LDAH: variants seen among roughly 807,000 people sequenced by gnomAD.
LDAH encodes lipid droplet-associated hydrolase.
A neutral mutation model predicts 29.6 loss-of-function variants in LDAH; 26 were observed. That is an observed-to-expected ratio of 0.88 (90% CI 0.64 to 1.22). The LOEUF is 1.22. LDAH is among the 50% of genes most tolerant of loss of function. LDAH has a pLI of 0.00. For missense variants in LDAH, 344 were observed against 387.3 expected (o/e 0.89, Z 0.94); for synonymous variants, 117 against 133.0 (o/e 0.88, Z 0.83).
In LDAH at chr2:20,775,041, G is replaced by C. The variant is rs964910759; in HGVS notation, c.299-62C>G. On this transcript the variant is annotated intron_variant, in intron 3 of 6. Transcript: ENST00000237822. ...AAAGTAATCACTGAAAAAAGATCAA[G>C]AAAAAGATAACAATCATGATAAAAA... 72 of 1,406,110 alleles carry C rather than the reference G, an allele frequency of 5.1e-5. No homozygotes were observed. The East Asian group carries it at 1.7e-3, about 32-fold the overall frequency. The allele number at this position is 1,406,110 out of a possible 1,614,324, so 87.1% of individuals were successfully genotyped here.
chr2:20,790,339 T>A lies in LDAH; in HGVS notation c.214A>T (p.Asn72Tyr). 6.2e-7 allele frequency: 1 copy of A among 1,614,182 alleles called. No individual in the cohort carries two copies. Among genetic ancestry groups the A allele is most frequent in the Non-Finnish European group, 8.5e-7 (1 of 1,180,014 alleles). ...ATAGTCCAAACTGGAAAGCGTCTGT[T>A]TGTCAAAGAGTATAAAGCCTTTGCA... ...PFAKALYSLT[N>Y]RRFPVWTISH... The change falls in exon 3 of 7, where the codon AAC (asparagine) becomes TAC (tyrosine). Residue 72 changes from asparagine to tyrosine, a missense_variant. Physicochemically the swap from Asn to Tyr is moderately radical, Grantham distance 143 (BLOSUM62 -2). Coordinates refer to ENST00000237822, the MANE Select transcript of LDAH (RefSeq NM_021925.4).
intron 3 of LDAH, chr2:20,789,410 C>A: frequency 1.4e-6 from 2 of 1,449,110 alleles, no homozygotes; most frequent in South Asian, 3.0e-5. Flanking sequence ...GACGTCCAGT[C>A]TCAAGAAACT....
rs142240641 is a variant in LDAH at position 20,722,685 on chromosome 2, G to A, written c.703+17286C>T. Among the ~76,000 whole-genome samples, 1,488 of 152,152 alleles carry A rather than the reference G, an allele frequency of 9.8e-3. 14 individuals carry two copies. Among genetic ancestry groups the A allele is most frequent in the Non-Finnish European group, 0.012 (808 of 67,992 alleles). On this transcript the variant is annotated intron_variant, in intron 5 of 6. Transcript: ENST00000237822. ...CATAACACAGTGTATACAGGTATTC[G>A]AATGTCACATGTACCCTAAAATATG...
intron 2 of LDAH, among the ~76,000 whole-genome samples, chr2:20,799,405 T>A (rs1357803177): frequency 6.6e-6 from 1 of 152,194 alleles, no homozygotes. Flanking sequence ...CATGTGATAT[T>A]TCGTTACCTG....
chr2:20,721,568 A>T (rs1248444744), intron 5 of LDAH, among the ~76,000 whole-genome samples: 1 of 152,170 alleles, frequency 6.6e-6, no homozygotes, highest in Non-Finnish European at 1.5e-5. Context: ...AACAAACAAA[A>T]AAAAAACCCC....
At chr2:20,729,025 T>C (rs1157140259) in intron 5 of LDAH, among the ~76,000 whole-genome samples, 2 of 152,216 alleles carry the variant, frequency 1.3e-5, no homozygotes, top group African/African-American at 4.8e-5. Flanking sequence ...GTATTTCATA[T>C]ATCAGGGTTG....
At chr2:20,699,436 C>T (rs1663749646) in intron 6 of LDAH, among the ~76,000 whole-genome samples, 1 of 152,060 alleles carries the variant, frequency 6.6e-6, no homozygotes, top group South Asian at 2.1e-4. Context: ...CAACTTCTAC[C>T]AATATTAAAT....
At chr2:20,724,697 T>A (rs1286155027) in intron 5 of LDAH, among the ~76,000 whole-genome samples, 1 of 152,122 alleles carries the variant, frequency 6.6e-6, no homozygotes, top group East Asian at 1.9e-4. Context: ...CTAGGCCACA[T>A]ACACACTAGT....
chr2:20,768,628 C>T lies in LDAH; in HGVS notation c.468+6182G>A, dbSNP rs559547056. 3.3e-4 allele frequency among the ~76,000 whole-genome samples: 51 copies of T among 152,312 alleles called. No individual in the cohort carries two copies. In the East Asian group the frequency reaches 8.5e-3, roughly 25 times the overall value. ...AGCCTGTCAGGCAGAGTCGGTGGAA[C>T]GAGCCCAGTGGGCCCGAGCAAAACT... On this transcript the variant is annotated intron_variant, in intron 4 of 6. Coordinates refer to ENST00000237822, the MANE Select transcript of LDAH (RefSeq NM_021925.4).
intron 6 of LDAH, among the ~76,000 whole-genome samples, chr2:20,699,008 GGAGAAA>G (rs1663713077): frequency 6.6e-6 from 1 of 152,140 alleles, no homozygotes; most frequent in African/African-American, 2.4e-5. Context: ...CTCTTGGGGA[GGAGAAA>G]GAAGTAGAAT....
chr2:20,750,496 T>A (rs1667896738), intron 4 of LDAH, among the ~76,000 whole-genome samples: 1 of 152,204 alleles, frequency 6.6e-6, no homozygotes, highest in Non-Finnish European at 1.5e-5. Flanking sequence ...AAACTGAGGA[T>A]CATATACTCT....
chr2:20,726,881 A>C (rs1243239021), intron 5 of LDAH, among the ~76,000 whole-genome samples: 1 of 152,220 alleles, frequency 6.6e-6, no homozygotes, highest in Non-Finnish European at 1.5e-5. Context: ...ACTGGCGTTA[A>C]TTTTGAAATA....
At chr2:20,790,887 C>T (rs1258515851) in intron 2 of LDAH, among the ~76,000 whole-genome samples, 2 of 152,074 alleles carry the variant, frequency 1.3e-5, no homozygotes, top group Non-Finnish European at 2.9e-5. Flanking sequence ...CATGAGTTTG[C>T]TATAAAGAAA....
chr2:20,688,031 A>C (rs1341107200), intron 6 of LDAH, among the ~76,000 whole-genome samples: 1 of 152,246 alleles, frequency 6.6e-6, no homozygotes, highest in East Asian at 1.9e-4. Flanking sequence ...GTGCTCCTTC[A>C]TTCAGACACT....
chr2:20,745,285 A>G (rs969438790), intron 4 of LDAH, among the ~76,000 whole-genome samples: 3 of 152,180 alleles, frequency 2.0e-5, no homozygotes, highest in Admixed American at 2.0e-4. Context: ...AAGGCACACA[A>G]AGATTTCTAT....
chr2:20,821,571 A>G (rs1673304438), intron 1 of LDAH, among the ~76,000 whole-genome samples: 1 of 152,114 alleles, frequency 6.6e-6, no homozygotes, highest in South Asian at 2.1e-4. Context: ...AACAATGAGA[A>G]CACTTGGACA....
rs4971528 is a variant in LDAH at position 20,703,293 on chromosome 2, G to C, written c.704-1641C>G. Among the ~76,000 whole-genome samples the C allele has an allele frequency of 3.3e-5, 5 of 152,092 alleles. 1 individual carries two copies. Among genetic ancestry groups the C allele is most frequent in the Admixed American group, 1.3e-4 (2 of 15,276 alleles). On this transcript the variant is annotated intron_variant, in intron 5 of 6. Coordinates refer to ENST00000237822, the MANE Select transcript of LDAH (RefSeq NM_021925.4). ...TTCCCATTTCTAGACCCGTTTCCTA[G>C]AGGAAGCCTCTCTGAACTCTTTTAG...
chr2:20,771,835 T>C (rs112932084), intron 4 of LDAH, among the ~76,000 whole-genome samples: 7 of 136,538 alleles, frequency 5.1e-5, no homozygotes, highest in African/African-American at 2.5e-4. Flanking sequence ...ATTTTCTAGC[T>C]TACACCCTTT....
chr2:20,815,140 TA>T lies in LDAH; in HGVS notation c.-3+7896del, dbSNP rs1032786802. Among the ~76,000 whole-genome samples, 201 of 152,230 alleles carry T rather than the reference TA, an allele frequency of 1.3e-3. 1 individual carries two copies. Among genetic ancestry groups the T allele is most frequent in the African/African-American group, 4.5e-3 (188 of 41,564 alleles). On this transcript the variant is annotated intron_variant, in intron 1 of 6. Transcript: ENST00000237822. ...AATAATTACAAAATAGAAAAAATAC[TA>T]ATTAAAATTAAAAACTTGCTGGATG...
Sources: allele counts gnomAD v4.1 joint callset (sites outside exome capture counted in the v4.1 genomes callset), GRCh38; gene constraint gnomAD v4.1.1; transcripts MANE v1.5; gene names NCBI Gene and HGNC (gene_info 2026-07-23, HGNC 2026-07-21).